Variants in FSHR observed in about 807,000 individuals in gnomAD.
FSHR encodes the protein follicle stimulating hormone receptor.
FSHR carries 46 observed loss-of-function variants against 52.1 expected under a neutral mutation model. The observed-to-expected ratio is 0.88, with a 90% CI of 0.70 to 1.13. FSHR has a LOEUF of 1.13. Ranked by LOEUF, FSHR falls within the 50% of genes most tolerant of loss-of-function variation. The pLI is 0.00. For missense variants in FSHR, 964 were observed against 834.6 expected, an observed-to-expected ratio of 1.16 and a Z score of -1.91; for synonymous variants, 399 against 309.6, an observed-to-expected ratio of 1.29 and a Z score of -3.03.
At chr2:49,014,890 G>C (rs1310788480) in intron 4 of FSHR, 5 of 469,686 alleles carry the variant, frequency 1.1e-5, no homozygotes, top group Non-Finnish European at 4.4e-6. Flanking sequence ...TGTCACTGAA[G>C]GCTCTATGAT....
At chr2:49,075,933 G>T (rs1604821) in intron 1 of FSHR, among the ~76,000 whole-genome samples, 1 of 151,910 alleles carries the variant, frequency 6.6e-6, no homozygotes, top group Non-Finnish European at 1.5e-5. Flanking sequence ...AGACACCACA[G>T]CTAGACTAAC....
Position 49,127,748 on chromosome 2 carries a change from TTCTTTC to T in FSHR, c.152+26512_152+26517del, listed in dbSNP as rs1176148889. 7.7e-3 allele frequency among the ~76,000 whole-genome samples: 895 copies of T among 115,976 alleles called. 101 individuals are homozygous for T. Among genetic ancestry groups the T allele is most frequent in the African/African-American group, 0.027 (826 of 31,000 alleles). The allele number at this position is 115,976 out of a possible 152,430, so 76.1% of individuals were successfully genotyped here. ...TTGATTTGTGCATGATTTCTTCTTC[TTCTTTC>T]TTCTTCTTCTTCTTCTTCTTCTTCT... On this transcript the variant is annotated intron_variant, in intron 1 of 9. Coordinates refer to ENST00000406846, the MANE Select transcript of FSHR (RefSeq NM_000145.4).
chr2:49,018,086 G>A (rs1572639869), intron 3 of FSHR, among the ~76,000 whole-genome samples: 1 of 152,154 alleles, frequency 6.6e-6, no homozygotes, highest in Non-Finnish European at 1.5e-5. Flanking sequence ...AAAAGAGAGT[G>A]AAATGGCAAA....
intron 4 of FSHR, among the ~76,000 whole-genome samples, chr2:49,009,377 T>C (rs1399994171): frequency 6.6e-6 from 1 of 152,056 alleles, no homozygotes; most frequent in Non-Finnish European, 1.5e-5. Context: ...TTCTGTTCCA[T>C]TGATCTATAT....
chr2:49,152,848 A>G (rs1394277484), intron 1 of FSHR, among the ~76,000 whole-genome samples: 1 of 152,242 alleles, frequency 6.6e-6, no homozygotes, highest in Non-Finnish European at 1.5e-5. Flanking sequence ...GAAGGGGTTA[A>G]GTAATCACTG....
intron 4 of FSHR, among the ~76,000 whole-genome samples, chr2:48,998,567 C>T (rs187924884): frequency 6.6e-6 from 1 of 151,972 alleles, no homozygotes; most frequent in Non-Finnish European, 1.5e-5. Context: ...GAACATTTGA[C>T]TGACGTTAGG....
intron 2 of FSHR, among the ~76,000 whole-genome samples, chr2:49,042,730 T>G (rs2104285388): frequency 6.6e-6 from 1 of 152,312 alleles, no homozygotes; most frequent in East Asian, 1.9e-4. Flanking sequence ...ATCTATGAGG[T>G]TTGTCATTCC....
intron 2 of FSHR, among the ~76,000 whole-genome samples, chr2:49,065,400 G>A (rs951344539): frequency 9.9e-5 from 15 of 152,070 alleles, no homozygotes; most frequent in Non-Finnish European, 1.8e-4. Flanking sequence ...CTGGATATCA[G>A]AGTACATCTG....
In FSHR at chr2:49,019,221, A is replaced by G. The variant is rs1364479012; in HGVS notation, c.299+865T>C. Among the ~76,000 whole-genome samples, 3 of 152,212 alleles carry G rather than the reference A, an allele frequency of 2.0e-5. No homozygotes were observed. In the South Asian group the frequency reaches 6.2e-4, roughly 31 times the overall value. On this transcript the variant is annotated intron_variant, in intron 3 of 9. Transcript: ENST00000406846. Reference sequence around the variant, plus strand: ...TATAGACTCTGAAAAGTTTTCCTATAAGAAGCAAACCTATCTAATTTTATT... The same window carrying G: ...TATAGACTCTGAAAAGTTTTCCTATGAGAAGCAAACCTATCTAATTTTATT...
chr2:48,986,541 C>G (rs2104084350), intron 6 of FSHR, among the ~76,000 whole-genome samples: 1 of 152,172 alleles, frequency 6.6e-6, no homozygotes, highest in East Asian at 1.9e-4. Flanking sequence ...GATTAAGGGA[C>G]AGCCAAAATA....
At chr2:49,065,940 A>G (rs982847405) in intron 2 of FSHR, among the ~76,000 whole-genome samples, 1 of 152,132 alleles carries the variant, frequency 6.6e-6, no homozygotes, top group Admixed American at 6.6e-5. Context: ...TTAATGGTTA[A>G]TGAAATTTAA....
At chr2:49,073,135 C>G (rs1669808739) in intron 1 of FSHR, among the ~76,000 whole-genome samples, 1 of 152,044 alleles carries the variant, frequency 6.6e-6, no homozygotes, top group Non-Finnish European at 1.5e-5. Flanking sequence ...ACATTTCCCT[C>G]TGAGAACTAG....
At chr2:48,984,377 G>A (rs1675393757) in intron 6 of FSHR, among the ~76,000 whole-genome samples, 1 of 152,204 alleles carries the variant, frequency 6.6e-6, no homozygotes, top group African/African-American at 2.4e-5. Context: ...GATAGTGGGA[G>A]TTGCTGAGGT....
chr2:49,046,764 G>C (rs1361209732), intron 2 of FSHR, among the ~76,000 whole-genome samples: 1 of 152,120 alleles, frequency 6.6e-6, no homozygotes, highest in African/African-American at 2.4e-5. Flanking sequence ...ATCATTGATT[G>C]GTGGACGGAT....
Position 49,127,888 on chromosome 2 carries a change from TCTTC to T in FSHR, c.152+26374_152+26377del, listed in dbSNP as rs1397338758. On this transcript the variant is annotated intron_variant, in intron 1 of 9. Coordinates refer to ENST00000406846, the MANE Select transcript of FSHR (RefSeq NM_000145.4). The stretch of plus-strand genomic sequence containing the variant: ...TTCTTCTTCTTCTTCTTCTTCTTCT[TCTTC>T]TTCTTCTTTTTTTTTTTTGAGACGG... 2.4e-3 allele frequency among the ~76,000 whole-genome samples: 112 copies of T among 46,978 alleles called. 7 individuals carry two copies. The highest frequency in any genetic ancestry group is 0.014 in the African/African-American group (93 of 6,608). The allele number at this position is 46,978 out of a possible 152,430, so 30.8% of individuals were successfully genotyped here. A position where few individuals can be genotyped will look rare whatever the true frequency, so the allele number is the denominator to read the frequency against.
rs777326631 is a variant in FSHR, at chr2:49,042,381, A to G, written c.225-22221T>C. ...AAGATTTTTGCATGCTAAAGAAGGA[A>G]TGATAGAACAAGAGCAGAGAAACAC... On this transcript the variant is annotated intron_variant, in intron 2 of 9. Coordinates refer to ENST00000406846, the MANE Select transcript of FSHR (RefSeq NM_000145.4). 3.3e-5 allele frequency among the ~76,000 whole-genome samples: 5 copies of G among 152,320 alleles called. No homozygotes were observed. In the South Asian group the frequency reaches 6.2e-4, roughly 19 times the overall value.
chr2:48,973,778 A>C (rs1674854416), intron 8 of FSHR, among the ~76,000 whole-genome samples: 1 of 152,240 alleles, frequency 6.6e-6, no homozygotes, highest in African/African-American at 2.4e-5. Flanking sequence ...AAGGATTAGG[A>C]AAGGAAATAG....
At chr2:49,106,088 A>G (rs1671210105) in intron 1 of FSHR, among the ~76,000 whole-genome samples, 2 of 152,212 alleles carry the variant, frequency 1.3e-5, no homozygotes, top group Admixed American at 1.3e-4. Context: ...AAGAGGTATT[A>G]GGGACAACTT....
At chr2:49,123,322 A>G (rs1413504078) in intron 1 of FSHR, among the ~76,000 whole-genome samples, 1 of 152,098 alleles carries the variant, frequency 6.6e-6, no homozygotes, top group Non-Finnish European at 1.5e-5. Flanking sequence ...CCCTGTCTCT[A>G]CAAGAAATGC....
Sources: gnomAD v4.1 joint callset for allele counts (sites outside exome capture counted in the v4.1 genomes callset) on GRCh38, gnomAD v4.1.1 for gene constraint, MANE v1.5 for transcripts, NCBI Gene and HGNC (gene_info 2026-07-23, HGNC 2026-07-21) for gene names.